GALNTL6: variants seen among roughly 807,000 people sequenced by gnomAD.
The protein encoded by GALNTL6 is polypeptide N-acetylgalactosaminyltransferase-like 6.
A neutral mutation model predicts 73.7 loss-of-function variants in GALNTL6; 46 were observed. The observed-to-expected ratio is 0.62, with a 90% CI of 0.49 to 0.80. GALNTL6 has a LOEUF of 0.80. Among genes scored for constraint, GALNTL6 ranks in the 30% least tolerant of loss-of-function variants. The pLI is 0.00. For missense variants in GALNTL6, 604 were observed against 755.0 expected (o/e 0.80, Z 2.34); for synonymous variants, 259 against 263.7 (o/e 0.98, Z 0.17).
chr4:172,167,143 G>A (rs551748217), intron 2 of GALNTL6, among the ~76,000 whole-genome samples: 7 of 152,212 alleles, frequency 4.6e-5, no homozygotes, highest in African/African-American at 1.7e-4. Context: ...AAAACCTCCT[G>A]GTACATAGTC....
At chr4:172,176,523 T>A (rs534796303) in intron 2 of GALNTL6, among the ~76,000 whole-genome samples, 3 of 152,020 alleles carry the variant, frequency 2.0e-5, no homozygotes, top group Non-Finnish European at 4.4e-5. Context: ...ACCATGATGC[T>A]TCCTGCCTCT....
intron 2 of GALNTL6, among the ~76,000 whole-genome samples, chr4:172,125,286 TAAATA>T (rs575055618): frequency 5.9e-4 from 90 of 152,186 alleles, no homozygotes; most frequent in Middle Eastern, 3.4e-3. Context: ...CCAGAAAAAT[TAAATA>T]AATCTCAGGA....
In GALNTL6 at chr4:172,108,937, G is replaced by A. The variant is rs188944858; in HGVS notation, c.139-120719G>A. On this transcript the variant is annotated intron_variant, in intron 2 of 12. Transcript: ENST00000506823. ...CTGAGTCAGCAGAATTGCTTGAACC[G>A]AGGAGGCAGAGGTTGCAGTGAGCCA... 2.2e-3 allele frequency among the ~76,000 whole-genome samples: 320 copies of A among 148,106 alleles called. 2 individuals are homozygous for A. The highest frequency in any genetic ancestry group is 7.0e-3 in the African/African-American group (282 of 40,386).
chr4:172,336,863 C>T (rs986724431), intron 4 of GALNTL6, among the ~76,000 whole-genome samples: 32 of 152,142 alleles, frequency 2.1e-4, no homozygotes, highest in African/African-American at 6.3e-4. Context: ...CCCTCCACCC[C>T]GTCCATTATT....
At chr4:171,886,513 A>T (rs1391910291) in intron 2 of GALNTL6, among the ~76,000 whole-genome samples, 1 of 152,210 alleles carries the variant, frequency 6.6e-6, no homozygotes, top group Non-Finnish European at 1.5e-5. Context: ...ATGTTAATAC[A>T]TAAGTGTATT....
At chr4:172,820,841 C>T (rs1741883516) in intron 7 of GALNTL6, among the ~76,000 whole-genome samples, 1 of 152,206 alleles carries the variant, frequency 6.6e-6, no homozygotes, top group Admixed American at 6.5e-5. Context: ...TTGACCTCAG[C>T]CTCCAACCAC....
intron 2 of GALNTL6, among the ~76,000 whole-genome samples, chr4:171,892,243 G>A (rs1736782321): frequency 6.6e-6 from 1 of 152,078 alleles, no homozygotes; most frequent in African/African-American, 2.4e-5. Context: ...CTGGTTTTAA[G>A]CATTTCAAAT....
chr4:172,860,471 CA>C (rs1447605315), intron 7 of GALNTL6, among the ~76,000 whole-genome samples: 1 of 151,926 alleles, frequency 6.6e-6, no homozygotes, highest in Non-Finnish European at 1.5e-5. Context: ...TTCACAACAA[CA>C]AAAAAGTACA....
At chr4:172,043,126 C>T (rs114381541) in intron 2 of GALNTL6, among the ~76,000 whole-genome samples, 12 of 152,022 alleles carry the variant, frequency 7.9e-5, no homozygotes, top group South Asian at 2.1e-4. Context: ...TTTCCTTCTG[C>T]GCACACTCTC....
chr4:172,295,531 G>GTTTTTTTTTTTTTTTTT (rs58721038), intron 3 of GALNTL6, among the ~76,000 whole-genome samples: 3 of 73,160 alleles, frequency 4.1e-5, no homozygotes, highest in African/African-American at 1.8e-4. Context: ...CTTTTTTTAG[G>GTTTTTTTTTTTTTTTTT]TTTTTTTTTT....
chr4:172,343,968 C>T (rs971901668), intron 4 of GALNTL6, among the ~76,000 whole-genome samples: 3 of 152,072 alleles, frequency 2.0e-5, no homozygotes, highest in African/African-American at 7.2e-5. Flanking sequence ...CATTCCTAAA[C>T]TGCAAGGTAA....
intron 2 of GALNTL6, among the ~76,000 whole-genome samples, chr4:171,852,314 T>C (rs1299870848): frequency 1.3e-5 from 2 of 152,182 alleles, no homozygotes; most frequent in East Asian, 3.9e-4. Flanking sequence ...TTCTTTTGCA[T>C]ATAAGTGGCA....
At chr4:172,080,798 ATATAG>A (rs1422510209) in intron 2 of GALNTL6, among the ~76,000 whole-genome samples, 1 of 151,588 alleles carries the variant, frequency 6.6e-6, no homozygotes, top group African/African-American at 2.4e-5. Context: ...TTCCAATAAA[ATATAG>A]TATATAAATT....
intron 5 of GALNTL6, among the ~76,000 whole-genome samples, chr4:172,426,697 G>A (rs767762278): frequency 1.2e-4 from 18 of 152,194 alleles, no homozygotes; most frequent in South Asian, 4.1e-4. Context: ...TTTATTTACC[G>A]ATATAGCTAA....
At position 173,034,317 on chromosome 4, in the gene GALNTL6, C is replaced by T. The variant is rs74430864; in HGVS notation, c.1639-5616C>T. Among the ~76,000 whole-genome samples the T allele has an allele frequency of 9.3e-4, 141 of 152,328 alleles. 1 individual carries two copies. The East Asian group carries it at 0.026, about 28-fold the overall frequency. On this transcript the variant is annotated intron_variant, in intron 12 of 12. Coordinates refer to ENST00000506823, the MANE Select transcript of GALNTL6 (RefSeq NM_001034845.3). The stretch of plus-strand genomic sequence containing the variant: ...CACCCTAACTATAGACCCTGTGACT[C>T]TTGTTCAAATCTCCCAATGACCATT...
At chr4:172,633,051 A>G (rs1472398513) in intron 5 of GALNTL6, among the ~76,000 whole-genome samples, 1 of 152,214 alleles carries the variant, frequency 6.6e-6, no homozygotes, top group Non-Finnish European at 1.5e-5. Flanking sequence ...GTCCAGGCAG[A>G]TGTTTGCTTC....
intron 2 of GALNTL6, among the ~76,000 whole-genome samples, chr4:171,946,739 G>T (rs1738712917): frequency 6.6e-6 from 1 of 152,198 alleles, no homozygotes; most frequent in African/African-American, 2.4e-5. Flanking sequence ...CTTGTGAAGA[G>T]TCATGAGGGA....
rs139231573 is a variant in GALNTL6 at position 171,828,338 on chromosome 4, C to G, written c.138+13620C>G. The stretch of plus-strand genomic sequence containing the variant: ...CAGTAAAACATGATATCACAATTCT[C>G]TCATATTTCTGGCCATGCTTAGTGT... On this transcript the variant is annotated intron_variant, in intron 2 of 12. Coordinates refer to ENST00000506823, the MANE Select transcript of GALNTL6 (RefSeq NM_001034845.3). Among the ~76,000 whole-genome samples the G allele has an allele frequency of 2.8e-3, 423 of 152,220 alleles. 4 individuals are homozygous for G. The highest frequency in any genetic ancestry group is 9.7e-3 in the African/African-American group (403 of 41,538).
chr4:173,022,192 GAA>G (rs1491420497), intron 12 of GALNTL6, among the ~76,000 whole-genome samples: 4 of 63,550 alleles, frequency 6.3e-5, no homozygotes, highest in African/African-American at 2.1e-4. Context: ...AGGGAGGGAG[GAA>G]GGAAGGAAGG....
Sources: gnomAD v4.1 joint callset for allele counts (sites outside exome capture counted in the v4.1 genomes callset) on GRCh38, gnomAD v4.1.1 for gene constraint, MANE v1.5 for transcripts, NCBI Gene and HGNC (gene_info 2026-07-23, HGNC 2026-07-21) for gene names.